The following AIDA variants were observed in gnomAD, a reference collection of about 807,000 sequenced individuals.
AIDA encodes axin interactor, dorsalization-associated protein.
In AIDA, 18 loss-of-function variants were observed where a neutral mutation model predicts 42.7. The observed-to-expected ratio is 0.42, with a 90% CI of 0.29 to 0.63. AIDA has a LOEUF of 0.63. Among genes scored for constraint, AIDA ranks in the 20% least tolerant of loss-of-function variants. The probability of loss-of-function intolerance (pLI) is 0.19; values close to 1 mark genes in which losing one functional copy is unlikely to be tolerated. For synonymous variants in AIDA, 104 were observed against 122.9 expected (o/e 0.85, Z 1.02); for missense variants, 250 against 354.1 (o/e 0.71, Z 2.36).
At chr1:222,700,444 T>C (rs1655658600) in intron 2 of AIDA, among the ~76,000 whole-genome samples, 1 of 152,198 alleles carries the variant, frequency 6.6e-6, no homozygotes, top group Admixed American at 6.5e-5. Flanking sequence ...TGCTGCCTCC[T>C]GGTCCTTTTG....
chr1:222,687,556 A>T, intron 5 of AIDA, 39 bp downstream of exon 5: 1 of 1,444,404 alleles, frequency 6.9e-7, no homozygotes, highest in Non-Finnish European at 9.4e-7. Flanking sequence ...AGAGAGGTAT[A>T]AAATAAAATA....
chr1:222,672,979 T>A (rs1461068824), intron 8 of AIDA, among the ~76,000 whole-genome samples: 1 of 152,218 alleles, frequency 6.6e-6, no homozygotes, highest in Non-Finnish European at 1.5e-5. Flanking sequence ...CCCTGGTTCT[T>A]AATTTGAAGA....
intron 1 of AIDA, chr1:222,711,861 G>A (rs867815731): frequency 2.0e-4 from 53 of 258,920 alleles, no homozygotes; most frequent in South Asian, 1.9e-3. Flanking sequence ...TGGGAGAGGA[G>A]GAGGAAAGGA....
At chr1:222,700,053 C>T (rs1014579628) in intron 2 of AIDA, among the ~76,000 whole-genome samples, 70 of 152,132 alleles carry the variant, frequency 4.6e-4, no homozygotes, top group African/African-American at 1.4e-3. Flanking sequence ...CCACCGCGTC[C>T]GGCTAAGAAA....
chr1:222,687,461 A>T, intron 5 of AIDA, 134 bp downstream of exon 5: 1 of 757,536 alleles, frequency 1.3e-6, no homozygotes. Flanking sequence ...ATAAAATAAA[A>T]TGCTGATATA....
At chr1:222,676,737 C>A (rs1044205111) in intron 6 of AIDA, among the ~76,000 whole-genome samples, 1 of 151,964 alleles carries the variant, frequency 6.6e-6, no homozygotes, top group African/African-American at 2.4e-5. Context: ...CTCACTGCAG[C>A]CTCGACCTCC....
At chr1:222,691,194 T>C (rs754737861) in intron 4 of AIDA, among the ~76,000 whole-genome samples, 22 of 151,956 alleles carry the variant, frequency 1.4e-4, no homozygotes, top group Non-Finnish European at 7.4e-5. Context: ...GAAAGGGCTT[T>C]CCAGGGATTA....
chr1:222,686,893 A>G, intron 6 of AIDA, 37 bp downstream of exon 6: 1 of 1,594,344 alleles, frequency 6.3e-7, no homozygotes, highest in Non-Finnish European at 8.5e-7. Context: ...CTCTGGTTGC[A>G]GTTAAATAAT....
At chr1:222,703,108 T>A (rs1233443442) in intron 2 of AIDA, 40 bp downstream of exon 2, 1 of 1,507,854 alleles carries the variant, frequency 6.6e-7, no homozygotes, top group East Asian at 2.3e-5. Context: ...AAACACTTTT[T>A]GTTTGGAATC....
chr1:222,699,980 G>A (rs4846772), intron 2 of AIDA, among the ~76,000 whole-genome samples: 1 of 151,826 alleles, frequency 6.6e-6, no homozygotes, highest in Non-Finnish European at 1.5e-5. Flanking sequence ...CCGTGAATTC[G>A]ATCTCCTGAC....
rs564720310 is a variant in AIDA, at chr1:222,674,656, T to C, written c.584-1221A>G. ...ATATTTGTTGTAACAACCTGTTTTA[T>C]ACCAACTAGAAAGAACACTAAGTTA... is the stretch of plus-strand genomic sequence containing the variant. On this transcript the variant is annotated intron_variant, in intron 7 of 9. Transcript: ENST00000340020. Among the ~76,000 whole-genome samples the C allele has an allele frequency of 5.9e-5, 9 of 152,346 alleles. No homozygotes were observed. The South Asian group carries it at 1.9e-3, about 32-fold the overall frequency.
intron 7 of AIDA, among the ~76,000 whole-genome samples, chr1:222,675,607 A>G (rs1363943456): frequency 2.0e-5 from 3 of 152,184 alleles, no homozygotes; most frequent in Non-Finnish European, 4.4e-5. Context: ...CTCACTGATG[A>G]TTCACTTAAG....
In AIDA at chr1:222,670,068, G is replaced by A. The variant is rs1392165765; in HGVS notation, c.824+65C>T. On this transcript the variant is annotated intron_variant, in intron 9 of 9. Coordinates refer to ENST00000340020, the MANE Select transcript of AIDA (RefSeq NM_022831.4). ...TCAAGGTTAAATACTGGATATGGGGGATTCAGAAGAAAGATATACTAGTCA... is the reference window on the plus strand; with the variant it reads ...TCAAGGTTAAATACTGGATATGGGGAATTCAGAAGAAAGATATACTAGTCA... 7.5e-6 allele frequency: 12 copies of A among 1,605,930 alleles called. No individual in the cohort carries two copies. The African/African-American group carries it at 9.4e-5, about 13-fold the overall frequency.
rs1264045410 is a variant in AIDA at position 222,668,892 on chromosome 1, T to C, written c.*1001A>G. 6.6e-6 allele frequency: 1 copy of C among 150,534 alleles called. No individual in the cohort carries two copies. The highest frequency in any genetic ancestry group is 2.0e-4 in the East Asian group (1 of 5,044). 9.3% of individuals were successfully genotyped at this position (150,534 alleles called of 1,614,324 possible). A position where few individuals can be genotyped will look rare whatever the true frequency, so the allele number is the denominator to read the frequency against. ...ATATTTTCATATGGATGAATGTCAG[T>C]ATATCTAAATAGGAAATAAATGGCG... On this transcript the variant is annotated 3_prime_UTR_variant, in exon 10 of 10. Coordinates refer to ENST00000340020, the MANE Select transcript of AIDA (RefSeq NM_022831.4).
At chr1:222,688,348 T>C (rs767833595) in intron 4 of AIDA, among the ~76,000 whole-genome samples, 2 of 152,194 alleles carry the variant, frequency 1.3e-5, no homozygotes, top group Non-Finnish European at 2.9e-5. Flanking sequence ...ATAAAATTTA[T>C]TATACTGAGT....
rs1664397866 is a variant in AIDA, at chr1:222,669,106, A to T, written c.*787T>A. The T allele has an allele frequency of 2.0e-5, 3 of 150,658 alleles. No individual in the cohort carries two copies. The highest frequency in any genetic ancestry group is 6.7e-5 in the Admixed American group (1 of 15,034). 9.3% of individuals were successfully genotyped at this position (150,658 alleles called of 1,614,324 possible). ...TTACATTGTTTAGAAGACATTGTAA[A>T]CCCATCTAAAACTTTGTAATTATTT... On this transcript the variant is annotated 3_prime_UTR_variant, in exon 10 of 10. Transcript: ENST00000340020.
At position 222,712,191 on chromosome 1, in the gene AIDA, C is replaced by G. The variant is rs1656093916; in HGVS notation, c.110+17G>C. 3 of 1,588,614 alleles carry G rather than the reference C, an allele frequency of 1.9e-6. No homozygotes were observed. The highest frequency in any genetic ancestry group is 1.4e-5 in the African/African-American group (1 of 74,070). On this transcript the variant is annotated intron_variant, in intron 1 of 9. Transcript: ENST00000340020. ...GACTGGAGCCGGTCTGGCCTGCTCC[C>G]GCGGTTAGTCACTCACATCTGATAC...
chr1:222,709,486 A>G (rs544783226), intron 1 of AIDA, among the ~76,000 whole-genome samples: 3 of 152,354 alleles, frequency 2.0e-5, no homozygotes, highest in African/African-American at 7.2e-5. Context: ...GGTAAGTACC[A>G]TGGAAAAAAA....
At chr1:222,685,254 T>A (rs906547706) in intron 6 of AIDA, among the ~76,000 whole-genome samples, 1 of 152,200 alleles carries the variant, frequency 6.6e-6, no homozygotes, top group Admixed American at 6.5e-5. Context: ...TGCTAAATGG[T>A]TTATACTTAG....
Sources: gnomAD v4.1 joint callset for allele counts (sites outside exome capture counted in the v4.1 genomes callset) on GRCh38, gnomAD v4.1.1 for gene constraint, MANE v1.5 for transcripts, NCBI Gene and HGNC (gene_info 2026-07-23, HGNC 2026-07-21) for gene names.